Variants in CDK18 observed in about 807,000 individuals in gnomAD.
The protein encoded by CDK18 is cyclin dependent kinase 18.
A neutral mutation model predicts 62.0 loss-of-function variants in CDK18; 52 were observed. The ratio of observed to expected loss-of-function variants is 0.84; its 90% CI spans 0.67 to 1.06. The LOEUF is 1.06. Ranked by LOEUF, CDK18 falls within the 50% of genes least tolerant of loss-of-function variation. CDK18 has a pLI of 0.00. For missense variants in CDK18, 604 were observed against 619.9 expected, an observed-to-expected ratio of 0.97 and a Z score of 0.27; for synonymous variants, 237 against 247.0, an observed-to-expected ratio of 0.96 and a Z score of 0.38.
chr1:205,524,405 C>T (rs1668313374), intron 4 of CDK18, 48 bp downstream of exon 4: 1 of 1,606,310 alleles, frequency 6.2e-7, no homozygotes, highest in Non-Finnish European at 8.5e-7. Context: ...GATATGCCCT[C>T]CCCAGCATGG....
At chr1:205,519,539 C>T (rs1668008834) in intron 1 of CDK18, among the ~76,000 whole-genome samples, 1 of 150,454 alleles carries the variant, frequency 6.6e-6, no homozygotes, top group Non-Finnish European at 1.5e-5. Flanking sequence ...ACCCCCATCC[C>T]TTCTGCTGCT....
rs1276538347 is a variant in CDK18 at position 205,527,621 on chromosome 1, G to A, written c.730-173G>A. 1.5e-6 allele frequency: 1 copy of A among 662,470 alleles called. No homozygotes were observed. The highest frequency in any genetic ancestry group is 2.5e-5 in the Admixed American group (1 of 39,662). The allele number at this position is 662,470 out of a possible 1,614,324, so 41.0% of individuals were successfully genotyped here. On this transcript the variant is annotated intron_variant, in intron 8 of 15. Coordinates refer to ENST00000429964, the MANE Select transcript of CDK18 (RefSeq NM_212502.3). The surrounding 1 kb of genome is among the most constrained non-coding windows in gnomAD (Gnocchi z 4.1). Reference sequence around the variant, plus strand: ...CTGCACCCCTGCTGTCCTCCCCTCTGGATGGGATTCCCTGGTGTGGGTGGG... The same window carrying A: ...CTGCACCCCTGCTGTCCTCCCCTCTAGATGGGATTCCCTGGTGTGGGTGGG...
Position 205,526,116 on chromosome 1 carries a change from G to A in CDK18, c.508G>A (p.Val170Met), listed in dbSNP as rs200706865. The stretch of plus-strand genomic sequence containing the variant: ...GCGCAGCAAACTGACGGAGAACCTT[G>A]TGGCCCTGAAAGAGATCCGGCTGGA... Reference protein sequence around the residue: ...KGRSKLTENLVALKEIRLEHE... With the variant: ...KGRSKLTENLMALKEIRLEHE... The change falls in exon 6 of 16, where the codon GTG becomes ATG. Residue 170 changes from valine to methionine, a missense_variant. Val to Met is a conservative substitution (Grantham distance 21, BLOSUM62 1). Coordinates refer to ENST00000429964, the MANE Select transcript of CDK18 (RefSeq NM_212502.3). 1.2e-6 allele frequency: 2 copies of A among 1,614,116 alleles called. No homozygotes were observed. Among genetic ancestry groups the A allele is most frequent in the Non-Finnish European group, 1.7e-6 (2 of 1,179,986 alleles).
intron 1 of CDK18, among the ~76,000 whole-genome samples, chr1:205,521,175 C>T (rs1668102685): frequency 6.6e-6 from 1 of 152,226 alleles, no homozygotes. Context: ...ACCCTCATGC[C>T]TGGCACAATG....
intron 1 of CDK18, among the ~76,000 whole-genome samples, chr1:205,509,300 G>A (rs765034337): frequency 1.3e-5 from 2 of 152,106 alleles, no homozygotes; most frequent in Non-Finnish European, 2.9e-5. Flanking sequence ...CCCACCCTCT[G>A]AGCCTCCCTA....
chr1:205,513,982 G>A (rs1667695921), intron 1 of CDK18, among the ~76,000 whole-genome samples: 1 of 152,218 alleles, frequency 6.6e-6, no homozygotes, highest in East Asian at 1.9e-4. Context: ...CTGAGGCCTC[G>A]AGTCCAGCTT....
At chr1:205,508,483 G>A (rs879425213) in intron 1 of CDK18, among the ~76,000 whole-genome samples, 11 of 152,350 alleles carry the variant, frequency 7.2e-5, no homozygotes, top group Admixed American at 4.6e-4. Flanking sequence ...AGGAAAAGCC[G>A]TGGGCGCATC....
intron 6 of CDK18, 83 bp downstream of exon 6, chr1:205,526,262 G>T (rs984746875): frequency 1.2e-4 from 181 of 1,484,230 alleles, no homozygotes; most frequent in Middle Eastern, 8.6e-4. Context: ...GGAGCTGGGG[G>T]TAGAGGATCA....
intron 1 of CDK18, among the ~76,000 whole-genome samples, chr1:205,522,009 G>A (rs947591088): frequency 1.3e-5 from 2 of 152,186 alleles, no homozygotes; most frequent in African/African-American, 4.8e-5. Flanking sequence ...GCCCTTGTGA[G>A]GCCTCAAGGG....
chr1:205,505,791 C>T (rs559404127), intron 1 of CDK18, among the ~76,000 whole-genome samples: 47 of 152,274 alleles, frequency 3.1e-4, no homozygotes, highest in Non-Finnish European at 4.0e-4. Flanking sequence ...TGCCTCTCTT[C>T]ATTCTCTCTG....
At chr1:205,520,699 C>CAAA (rs11333790) in intron 1 of CDK18, among the ~76,000 whole-genome samples, 122 of 135,702 alleles carry the variant, frequency 9.0e-4, no homozygotes, top group African/African-American at 3.2e-3. Flanking sequence ...GACTCTATCT[C>CAAA]AAAAAAAAAA....
chr1:205,531,601 T>G lies in CDK18; in HGVS notation c.*223T>G. 3 of 564,276 alleles carry G rather than the reference T, an allele frequency of 5.3e-6. No individual in the cohort carries two copies. The South Asian group carries it at 6.0e-5, about 11-fold the overall frequency. The allele number at this position is 564,276 out of a possible 1,614,324, so 35.0% of individuals were successfully genotyped here. A position where few individuals can be genotyped will look rare whatever the true frequency, so the allele number is the denominator to read the frequency against. On this transcript the variant is annotated 3_prime_UTR_variant, in exon 16 of 16. Coordinates refer to ENST00000429964, the MANE Select transcript of CDK18 (RefSeq NM_212502.3). ...CATACCAACCCCTCCTTTACCCACG[T>G]TGGGGCTGGCATAAGCTGCTTCCCT...
rs768728549 is a variant in CDK18, at chr1:205,527,157, G to C, written c.729+320G>C. ...TGCAGGGAGGCTTCTGGGGAAGCTCGGGGTTATGAATGACCTCTCCTGGTG... is the reference window on the plus strand; with the variant it reads ...TGCAGGGAGGCTTCTGGGGAAGCTCCGGGTTATGAATGACCTCTCCTGGTG... On this transcript the variant is annotated intron_variant, in intron 8 of 15. Coordinates refer to ENST00000429964, the MANE Select transcript of CDK18 (RefSeq NM_212502.3). This position sits in a 1 kb window ranked among gnomAD's most constrained non-coding sequence, Gnocchi z 4.1. 9 of 373,612 alleles carry C rather than the reference G, an allele frequency of 2.4e-5. No individual in the cohort carries two copies. The highest frequency in any genetic ancestry group is 4.1e-5 in the Admixed American group (1 of 24,614). The allele number at this position is 373,612 out of a possible 1,614,324, so 23.1% of individuals were successfully genotyped here.
chr1:205,529,121 T>G, intron 11 of CDK18, 25 bp downstream of exon 11: 1 of 1,542,868 alleles, frequency 6.5e-7, no homozygotes, highest in Non-Finnish European at 8.8e-7. Flanking sequence ...GCTCCGTCCC[T>G]CTCACCACCA....
At chr1:205,531,164 G>A (rs1326657853) in intron 15 of CDK18, among the ~76,000 whole-genome samples, 180 bp from the exon 16 acceptor site, 1 of 152,238 alleles carries the variant, frequency 6.6e-6, no homozygotes, top group East Asian at 1.9e-4. Flanking sequence ...TAAGTCACAA[G>A]TTCATGCAGC....
intron 1 of CDK18, among the ~76,000 whole-genome samples, chr1:205,507,659 A>T (rs923404824): frequency 2.7e-5 from 4 of 145,570 alleles, no homozygotes; most frequent in Admixed American, 6.8e-5. Context: ...AAAAAAAAAA[A>T]AAAATAATGC....
chr1:205,514,060 G>A (rs1422129752), intron 1 of CDK18, among the ~76,000 whole-genome samples: 2 of 152,254 alleles, frequency 1.3e-5, no homozygotes, highest in African/African-American at 4.8e-5. Context: ...CTCTGGGGGT[G>A]CAATGACGAG....
At chr1:205,529,614 C>T in intron 13 of CDK18, 51 bp downstream of exon 13, 3 of 1,612,962 alleles carry the variant, frequency 1.9e-6, no homozygotes, top group Non-Finnish European at 2.5e-6. Flanking sequence ...AGAGCCAGGT[C>T]CCTGTGCCCC....
intron 1 of CDK18, among the ~76,000 whole-genome samples, chr1:205,515,173 ATTTTTT>A (rs34027094): frequency 8.5e-6 from 1 of 117,766 alleles, no homozygotes; most frequent in Non-Finnish European, 1.7e-5. Flanking sequence ...GCTTTGAAGG[ATTTTTT>A]TTTTTTTTTT....
Sources: gnomAD v4.1 joint callset for allele counts (sites outside exome capture counted in the v4.1 genomes callset) on GRCh38, gnomAD v4.1.1 for gene constraint, Gnocchi (gnomAD v3.1) non-coding constraint, MANE v1.5 for transcripts, NCBI Gene and HGNC (gene_info 2026-07-23, HGNC 2026-07-21) for gene names.